Variants in TSPEAR observed in about 807,000 individuals in gnomAD.
TSPEAR encodes the protein thrombospondin type laminin G domain and EAR repeats.
TSPEAR carries 69 observed loss-of-function variants against 71.6 expected under a neutral mutation model. The observed-to-expected ratio is 0.96, with a 90% CI of 0.79 to 1.18. The LOEUF is 1.18. TSPEAR is among the 50% of genes most tolerant of loss of function. The pLI is 0.00. For missense variants in TSPEAR, 971 were observed against 894.9 expected (o/e 1.09, Z -1.09); for synonymous variants, 402 against 387.2 (o/e 1.04, Z -0.45).
intron 2 of TSPEAR, among the ~76,000 whole-genome samples, chr21:44,540,799 C>G (rs1308284324): frequency 6.6e-6 from 1 of 152,210 alleles, no homozygotes; most frequent in Non-Finnish European, 1.5e-5. Context: ...CTCCCCACGG[C>G]CTTCCCCGAG....
chr21:44,508,845 G>A (rs781895656), intron 10 of TSPEAR: 34 of 1,396,216 alleles, frequency 2.4e-5, no homozygotes, highest in East Asian at 1.2e-4. Flanking sequence ...CCTGCACCTC[G>A]CACCTGTCCC....
chr21:44,531,175 G>A (rs2052963239), intron 3 of TSPEAR, 42 bp from the exon 4 acceptor site: 2 of 1,522,398 alleles, frequency 1.3e-6, no homozygotes, highest in Admixed American at 1.7e-5. Flanking sequence ...TAGGAGAGTG[G>A]TCACCCCAGT....
At position 44,527,470 on chromosome 21, in the gene TSPEAR, T is replaced by G; in HGVS notation, c.971A>C (p.Asn324Thr). Residue 324 changes from asparagine (N) to threonine (T), a missense_variant, in exon 7 of 12, where the codon AAC (asparagine) becomes ACC (threonine). Coordinates refer to ENST00000323084, the MANE Select transcript of TSPEAR (RefSeq NM_144991.3). ...YVEEHQNLST[N>T]SETLGIEVFR... ...CACCTCAATGCCCAGGGTCTCTGAG[T>G]TGGTGGACAAGTTCTGATGCTCCTC... 6.2e-7 allele frequency: 1 copy of G among 1,614,170 alleles called. No homozygotes were observed. Among genetic ancestry groups the G allele is most frequent in the Non-Finnish European group, 8.5e-7 (1 of 1,180,042 alleles).
At position 44,629,422 on chromosome 21, in the gene TSPEAR, C is replaced by A. The variant is rs182526231; in HGVS notation, c.83-61417G>T. ...ACACAGTCTTCTCCCTGTGTCCTTACGGGGCTGTCCCTCTGTGTGTGTCTC... is the reference window on the plus strand; with the variant it reads ...ACACAGTCTTCTCCCTGTGTCCTTAAGGGGCTGTCCCTCTGTGTGTGTCTC... On this transcript the variant is annotated intron_variant, in intron 1 of 11. Coordinates refer to ENST00000323084, the MANE Select transcript of TSPEAR (RefSeq NM_144991.3). 1.6e-4 allele frequency among the ~76,000 whole-genome samples: 25 copies of A among 152,298 alleles called. No individual in the cohort carries two copies. In the East Asian group the frequency reaches 4.4e-3, roughly 27 times the overall value.
chr21:44,588,186 C>A lies in TSPEAR; in HGVS notation c.83-20181G>T, dbSNP rs184471949. Among the ~76,000 whole-genome samples the A allele has an allele frequency of 3.5e-3, 529 of 152,158 alleles. 4 individuals are homozygous for A. Among genetic ancestry groups the A allele is most frequent in the Non-Finnish European group, 6.2e-3 (424 of 67,988 alleles). ...CTCAAACAAATTATAAAGAAAAAAA[C>A]CAAACAATCCCATCAAAAAGTGGGC... On this transcript the variant is annotated intron_variant, in intron 1 of 11. Transcript: ENST00000323084.
chr21:44,704,849 C>T (rs1309828796), intron 1 of TSPEAR, among the ~76,000 whole-genome samples: 5 of 152,122 alleles, frequency 3.3e-5, no homozygotes, highest in South Asian at 4.2e-4. Flanking sequence ...ACGCCATCCA[C>T]GGACCCTGGA....
intron 1 of TSPEAR, among the ~76,000 whole-genome samples, chr21:44,644,849 T>A (rs2838611): frequency 0.78 from 118,246 of 152,082 alleles, 46,423 homozygotes; most frequent in African/African-American, 0.89. Flanking sequence ...TTCTAACCAC[T>A]GAAAGTAAAA....
At chr21:44,697,035 C>A in intron 1 of TSPEAR, 1 of 1,003,632 alleles carries the variant, frequency 1.0e-6, no homozygotes, top group East Asian at 2.9e-5. Flanking sequence ...CGCTCACTCA[C>A]TCCCTCCCTC....
intron 1 of TSPEAR, among the ~76,000 whole-genome samples, chr21:44,670,052 T>TCATTTTTAATA (rs1314363400): frequency 6.6e-6 from 1 of 152,156 alleles, no homozygotes; most frequent in African/African-American, 2.4e-5. Flanking sequence ...CTCAGAATAA[T>TCATTTTTAATA]TCCCTTTTAA....
intron 1 of TSPEAR, among the ~76,000 whole-genome samples, chr21:44,610,692 A>G (rs587683766): frequency 5.8e-4 from 89 of 152,316 alleles, no homozygotes; most frequent in Admixed American, 1.7e-3. Context: ...CCAGAATGGT[A>G]GATCTATTGA....
At chr21:44,527,937 G>A (rs1449801264) in intron 6 of TSPEAR, among the ~76,000 whole-genome samples, 1 of 152,124 alleles carries the variant, frequency 6.6e-6, no homozygotes, top group Non-Finnish European at 1.5e-5. Context: ...TGCTGAGAAG[G>A]CTCTCTGTAA....
chr21:44,515,024 G>C (rs1251688447), intron 9 of TSPEAR, among the ~76,000 whole-genome samples: 6 of 151,990 alleles, frequency 3.9e-5, no homozygotes, highest in Non-Finnish European at 7.4e-5. Flanking sequence ...AACCCCACCT[G>C]CACCCCACAC....
rs937377314 is a variant in TSPEAR, at chr21:44,710,152, T to C, written c.82+1281A>G. Among the ~76,000 whole-genome samples, 38 of 152,136 alleles carry C rather than the reference T, an allele frequency of 2.5e-4. No homozygotes were observed. The highest frequency in any genetic ancestry group is 2.5e-3 in the Admixed American group (38 of 15,298). On this transcript the variant is annotated intron_variant, in intron 1 of 11. Coordinates refer to ENST00000323084, the MANE Select transcript of TSPEAR (RefSeq NM_144991.3). This position sits in a 1 kb window ranked among gnomAD's most constrained non-coding sequence, Gnocchi z 4.6. ...CCTCGAGCAGGGGAGGGAGAAAGGC[T>C]GGCGCTGCGCCCTCCATCGCGTGAA... is the stretch of plus-strand genomic sequence containing the variant.
rs551202444 is a variant in TSPEAR at position 44,694,173 on chromosome 21, A to T, written c.82+17260T>A. ...CCCCAAATGGTGCTGGGAAAACTAG[A>T]TTTCCACATGAAAAGAAACATGTGG... is the stretch of plus-strand genomic sequence containing the variant. On this transcript the variant is annotated intron_variant, in intron 1 of 11. Transcript: ENST00000323084. 2.6e-4 allele frequency among the ~76,000 whole-genome samples: 40 copies of T among 152,360 alleles called. No homozygotes were observed. In the South Asian group the frequency reaches 7.9e-3, roughly 30 times the overall value.
Position 44,646,921 on chromosome 21 carries a change from G to A in TSPEAR, c.82+64512C>T, listed in dbSNP as rs782689192. Reference sequence around the variant, plus strand: ...CTGTGTGCCCGTCTGCTGCAAGCCTGTGTGCTGTGTGTCCACCTGCTCTGA... The same window carrying A: ...CTGTGTGCCCGTCTGCTGCAAGCCTATGTGCTGTGTGTCCACCTGCTCTGA... On this transcript the variant is annotated intron_variant, in intron 1 of 11. Transcript: ENST00000323084. 71 of 1,613,308 alleles carry A rather than the reference G, an allele frequency of 4.4e-5. No individual in the cohort carries two copies. The highest frequency in any genetic ancestry group is 3.3e-4 in the Middle Eastern group (2 of 6,056).
intron 9 of TSPEAR, among the ~76,000 whole-genome samples, chr21:44,513,208 T>G (rs1555912941): frequency 1.3e-5 from 2 of 152,228 alleles, no homozygotes; most frequent in African/African-American, 4.8e-5. Flanking sequence ...TCATTGGCTA[T>G]TGACAGCCCC....
intron 2 of TSPEAR, among the ~76,000 whole-genome samples, chr21:44,562,382 A>G (rs1435715657): frequency 6.6e-6 from 1 of 152,208 alleles, no homozygotes; most frequent in African/African-American, 2.4e-5. Context: ...GGAAGAATCG[A>G]TATCATGAAA....
At chr21:44,533,101 T>C (rs1451880844) in intron 3 of TSPEAR, among the ~76,000 whole-genome samples, 1 of 152,216 alleles carries the variant, frequency 6.6e-6, no homozygotes, top group Non-Finnish European at 1.5e-5. Flanking sequence ...GCCCTTACCT[T>C]GTTCTAAGCC....
At chr21:44,502,150 C>T (rs587616187) in intron 11 of TSPEAR, among the ~76,000 whole-genome samples, 1 of 152,330 alleles carries the variant, frequency 6.6e-6, no homozygotes, top group East Asian at 1.9e-4. Flanking sequence ...GTGGACCGCA[C>T]CACGCACTCA....
Sources: allele counts gnomAD v4.1 joint callset (sites outside exome capture counted in the v4.1 genomes callset), GRCh38; gene constraint gnomAD v4.1.1; non-coding constraint Gnocchi (gnomAD v3.1); transcripts MANE v1.5; gene names NCBI Gene and HGNC (gene_info 2026-07-23, HGNC 2026-07-21).